The following APC2 variants were observed in gnomAD, a reference collection of about 807,000 sequenced individuals.
The protein encoded by APC2 is APC regulator of Wnt signaling pathway 2.
A neutral mutation model predicts 72.5 loss-of-function variants in APC2; 41 were observed. The ratio of observed to expected loss-of-function variants is 0.57; its 90% CI spans 0.44 to 0.73. The LOEUF (loss-of-function observed/expected upper bound fraction) is 0.73. Among genes scored for constraint, APC2 ranks in the 30% least tolerant of loss-of-function variants. APC2 has a pLI of 0.00. For missense variants in APC2, 3,729 were observed against 3,403.4 expected, an observed-to-expected ratio of 1.10 and a Z score of -2.38; for synonymous variants, 1,898 against 1,612.0, an observed-to-expected ratio of 1.18 and a Z score of -4.25.
chr19:1,462,623 C>G (rs1367137662), intron 14 of APC2, among the ~76,000 whole-genome samples: 1 of 136,332 alleles, frequency 7.3e-6, no homozygotes, highest in Non-Finnish European at 1.5e-5. Context: ...CCACTGCACT[C>G]CAGTCTGGGC....
rs1294309234 is a variant in APC2 at position 1,467,395 on chromosome 19, G to A, written c.4094G>A (p.Gly1365Asp). The A allele has an allele frequency of 2.7e-6, 4 of 1,487,930 alleles. No individual in the cohort carries two copies. In the Admixed American group the frequency reaches 8.7e-5, roughly 32 times the overall value. 92.2% of individuals were successfully genotyped at this position (1,487,930 alleles called of 1,614,324 possible). Residue 1365 changes from glycine (G) to aspartate (D), a missense_variant, in exon 15 of 15, where the codon GGT becomes GAT. Transcript: ENST00000590469. ...LRKVASALVP[G>D]RRALPVPVYM... ...AAGGTGGCCTCCGCGCTGGTGCCAG[G>A]TCGCCGCGCACTCCCCGTGCCCGTC...
At position 1,470,165 on chromosome 19, in the gene APC2, G is replaced by C. The variant is rs1599167519; in HGVS notation, c.6864G>C (p.Ser2288=). Residue 2288 remains serine, a synonymous_variant, in exon 15 of 15, where the codon TCG becomes TCC. Transcript: ENST00000590469. ...SPMVVAATTD[S]AAEKAPATAS... is the part of the protein sequence containing the mutation. ...TGGTGGTCGCAGCCACCACCGACTCGGCCGCGGAGAAAGCCCCGGCCACTG... is the reference window on the plus strand; with the variant it reads ...TGGTGGTCGCAGCCACCACCGACTCCGCCGCGGAGAAAGCCCCGGCCACTG... The C allele has an allele frequency of 1.2e-6, 2 of 1,601,282 alleles. No homozygotes were observed. The highest frequency in any genetic ancestry group is 1.1e-5 in the South Asian group (1 of 89,724).
chr19:1,461,157 G>T lies in APC2; in HGVS notation c.1638+4G>T. On this transcript the variant is annotated splice_donor_region_variant and intron_variant, in intron 13 of 14. Coordinates refer to ENST00000590469, the MANE Select transcript of APC2 (RefSeq NM_005883.3). ...GTGTGTCCTGCGGGCCACCAAGGTG[G>T]GCACCCGGTGGGCGGCAGGGATGCT... 1 of 1,607,332 alleles carries T rather than the reference G, an allele frequency of 6.2e-7. No homozygotes were observed. Among genetic ancestry groups the T allele is most frequent in the Non-Finnish European group, 8.5e-7 (1 of 1,178,840 alleles).
Position 1,465,841 on chromosome 19 carries a change from T to C in APC2, c.2540T>C (p.Leu847Pro). The change falls in exon 15 of 15, where the codon CTG becomes CCG. Residue 847 changes from leucine to proline, a missense_variant. Leu to Pro is a moderately conservative substitution (Grantham distance 98). Coordinates refer to ENST00000590469, the MANE Select transcript of APC2 (RefSeq NM_005883.3). The part of the protein sequence containing the change: ...AAVAAKAKAK[L>P]ALAVARIDQL... ...GTGGCGGCCAAGGCCAAGGCCAAGCTGGCGCTTGCAGTGGCGCGCATCGAC... is the reference window on the plus strand; with the variant it reads ...GTGGCGGCCAAGGCCAAGGCCAAGCCGGCGCTTGCAGTGGCGCGCATCGAC... 4 of 1,576,802 alleles carry C rather than the reference T, an allele frequency of 2.5e-6. No individual in the cohort carries two copies. Among genetic ancestry groups the C allele is most frequent in the Non-Finnish European group, 3.4e-6 (4 of 1,162,718 alleles).
Position 1,452,863 on chromosome 19 carries a change from ACC to A in APC2, c.-18-114_-18-113del. ...TCCACACCAGTGACTCCTGCCTGAG[ACC>A]CCCCCCAACCCAGGATCAGGCAGGA... On this transcript the variant is annotated intron_variant, in intron 1 of 14. Coordinates refer to ENST00000590469, the MANE Select transcript of APC2 (RefSeq NM_005883.3). The surrounding 1 kb of genome is among the most constrained non-coding windows in gnomAD (Gnocchi z 5.1). 8.1e-7 allele frequency: 1 copy of A among 1,230,588 alleles called. No individual in the cohort carries two copies. Among genetic ancestry groups the A allele is most frequent in the Non-Finnish European group, 1.1e-6 (1 of 906,348 alleles). 76.2% of individuals were successfully genotyped at this position (1,230,588 alleles called of 1,614,324 possible). A position where few individuals can be genotyped will look rare whatever the true frequency, so the allele number is the denominator to read the frequency against.
intron 8 of APC2, 33 bp from the exon 9 acceptor site, chr19:1,456,820 A>T: frequency 1.3e-6 from 2 of 1,577,412 alleles, no homozygotes; most frequent in South Asian, 1.1e-5. Context: ...GGGGCAGGTG[A>T]GGGACCCCAC....
chr19:1,458,275 C>A (rs1385041523), intron 10 of APC2: 3 of 591,668 alleles, frequency 5.1e-6, no homozygotes, highest in African/African-American at 1.9e-5. Context: ...GCCTCCCGAT[C>A]TGGTCTGAGG....
upstream of APC2, among the ~76,000 whole-genome samples, chr19:1,447,955 C>T (rs551081937): frequency 8.5e-5 from 13 of 152,298 alleles, no homozygotes; most frequent in East Asian, 2.5e-3. Context: ...TGAAACTACA[C>T]AGGGAGGTGG....
chr19:1,446,583 G>T (rs2083689454), upstream of APC2, among the ~76,000 whole-genome samples: 1 of 152,110 alleles, frequency 6.6e-6, no homozygotes, highest in Non-Finnish European at 1.5e-5. This position sits in a 1 kb window ranked among gnomAD's most constrained non-coding sequence, Gnocchi z 6.1. Flanking sequence ...CCGGGTCTGC[G>T]CAAGCGCAGG....
In APC2 at chr19:1,468,855, C is replaced by G; in HGVS notation, c.5554C>G (p.Leu1852Val). Residue 1852 changes from leucine (L) to valine (V), a missense_variant, in exon 15 of 15, where the codon CTG becomes GTG. By Grantham distance (32) the Leu-to-Val change is conservative. Transcript: ENST00000590469. The part of the protein sequence containing the change: ...SLHRPAKTSE[L>V]ATLSQPPRSA... The stretch of plus-strand genomic sequence containing the variant: ...ACACCGGCCTGCCAAGACCTCGGAG[C>G]TGGCGACGCTGAGCCAGCCCCCCAG... The G allele has an allele frequency of 1.9e-6, 3 of 1,546,616 alleles. No individual in the cohort carries two copies. Among genetic ancestry groups the G allele is most frequent in the Non-Finnish European group, 2.6e-6 (3 of 1,153,672 alleles).
chr19:1,458,294 G>A (rs768496655), intron 10 of APC2: 4 of 565,728 alleles, frequency 7.1e-6, no homozygotes, highest in Non-Finnish European at 1.3e-5. Flanking sequence ...GGCTTCGGGG[G>A]TGACTTTCAG....
Position 1,470,374 on chromosome 19 carries a change from C to T in APC2, c.*161C>T. 1 of 1,065,178 alleles carries T rather than the reference C, an allele frequency of 9.4e-7. No individual in the cohort carries two copies. The highest frequency in any genetic ancestry group is 1.3e-6 in the Non-Finnish European group (1 of 779,604). The allele number at this position is 1,065,178 out of a possible 1,614,324, so 66.0% of individuals were successfully genotyped here. A position where few individuals can be genotyped will look rare whatever the true frequency, so the allele number is the denominator to read the frequency against. The stretch of plus-strand genomic sequence containing the variant: ...ACCCCCGCCCAGCGCACGGCGACCT[C>T]GCGCCTCACCGGAAGACCTTGCCTC... On this transcript the variant is annotated 3_prime_UTR_variant, in exon 15 of 15. Coordinates refer to ENST00000590469, the MANE Select transcript of APC2 (RefSeq NM_005883.3).
Position 1,453,530 on chromosome 19 carries a change from A to T in APC2, c.332A>T (p.His111Leu). ...CGGACCCCCGAGGGCAGCCCAGTAC[A>T]CGGCTCCGGGCCCTCCAAGGACAGC... Reference protein sequence around the residue: ...AARTPEGSPVHGSGPSKDSFG... With the variant: ...AARTPEGSPVLGSGPSKDSFG... Residue 111 changes from histidine (H) to leucine (L), a missense_variant, in exon 4 of 15, where the codon CAC becomes CTC. Transcript: ENST00000590469. The T allele has an allele frequency of 6.2e-7, 1 of 1,611,596 alleles. No individual in the cohort carries two copies. The highest frequency in any genetic ancestry group is 1.7e-4 in the Middle Eastern group (1 of 6,058).
chr19:1,467,225 CG>C lies in APC2; in HGVS notation c.3929del (p.Gly1310AlafsTer270). On this transcript the variant is annotated frameshift_variant, in exon 15 of 15. Coordinates refer to ENST00000590469, the MANE Select transcript of APC2 (RefSeq NM_005883.3). LOFTEE classifies it low-confidence loss of function (END_TRUNC). ...SACPERGGGAGGAGLHFAGHR... is the reference protein window; with the variant it reads ...SACPERGGGAXGAGLHFAGHR... ...CCTGCCCCGAGCGCGGCGGGGGCGCCGGGGGCGCCGGCCTCCACTTTGCAGG... is the reference window on the plus strand; with the variant it reads ...CCTGCCCCGAGCGCGGCGGGGGCGCCGGGGCGCCGGCCTCCACTTTGCAGG... 2 of 1,366,274 alleles carry C rather than the reference CG, an allele frequency of 1.5e-6. No individual in the cohort carries two copies. The highest frequency in any genetic ancestry group is 3.3e-5 in the Admixed American group (1 of 30,388). The allele number at this position is 1,366,274 out of a possible 1,614,324, so 84.6% of individuals were successfully genotyped here.
rs927000808 is a variant in APC2 at position 1,465,299 on chromosome 19, G to C, written c.1998G>C (p.Leu666=). 2.3e-5 allele frequency: 37 copies of C among 1,599,886 alleles called. No homozygotes were observed. Among genetic ancestry groups the C allele is most frequent in the Non-Finnish European group, 2.7e-5 (32 of 1,177,418 alleles). The change falls in exon 15 of 15, where the codon CTG becomes CTC. Residue 666 remains leucine, a synonymous_variant. Transcript: ENST00000590469. ...SARDQELLWD[L]GAVGMLRNLV... Reference sequence around the variant, plus strand: ...GTGACCAGGAGCTGCTGTGGGACCTGGGCGCCGTGGGCATGCTGCGTAATC... The same window carrying C: ...GTGACCAGGAGCTGCTGTGGGACCTCGGCGCCGTGGGCATGCTGCGTAATC...
chr19:1,450,361 G>A (rs1356087089), intron 1 of APC2, 23 bp downstream of exon 1: 3 of 985,362 alleles, frequency 3.0e-6, no homozygotes, highest in Admixed American at 6.1e-5. Context: ...GGGGAGGAGG[G>A]CAGGGGCGCG....
chr19:1,451,064 C>T (rs1013586242), intron 1 of APC2, among the ~76,000 whole-genome samples: 1 of 152,136 alleles, frequency 6.6e-6, no homozygotes, highest in Admixed American at 6.5e-5. Context: ...GTTTAAAGCT[C>T]CCTCTGGCTG....
Position 1,473,023 on chromosome 19 carries a change from C to T in APC2, c.*2810C>T. 6.6e-6 allele frequency: 1 copy of T among 152,446 alleles called. No individual in the cohort carries two copies. The highest frequency in any genetic ancestry group is 1.5e-5 in the Non-Finnish European group (1 of 68,126). The allele number at this position is 152,446 out of a possible 1,614,324, so 9.4% of individuals were successfully genotyped here. ...TTACCTCACCCGGCCCCATCTGTTG[C>T]CCCGGTCCAGCCCTGATGGCGCGCG... On this transcript the variant is annotated 3_prime_UTR_variant, in exon 15 of 15. Transcript: ENST00000590469.
chr19:1,459,925 G>A (rs1224150887), intron 10 of APC2, among the ~76,000 whole-genome samples: 1 of 152,230 alleles, frequency 6.6e-6, no homozygotes, highest in Non-Finnish European at 1.5e-5. Flanking sequence ...AGTGGCTGGA[G>A]GAAGCGTGAG....
Sources: allele counts gnomAD v4.1 joint callset (sites outside exome capture counted in the v4.1 genomes callset), GRCh38; gene constraint gnomAD v4.1.1; non-coding constraint Gnocchi (gnomAD v3.1); transcripts MANE v1.5; gene names NCBI Gene and HGNC (gene_info 2026-07-23, HGNC 2026-07-21).